The following SNX29 variants were observed in gnomAD, a reference collection of about 807,000 sequenced individuals.
SNX29 encodes sorting nexin-29.
SNX29 carries 78 observed loss-of-function variants against 102.1 expected under a neutral mutation model. The observed-to-expected ratio is 0.76, with a 90% confidence interval of 0.64 to 0.92. SNX29 has a LOEUF of 0.92. Ranked by LOEUF, SNX29 falls within the 40% of genes least tolerant of loss-of-function variation. The pLI is 0.00. For missense variants in SNX29, 1,280 were observed against 1,061.7 expected (o/e 1.21, Z -2.86); for synonymous variants, 580 against 414.5 (o/e 1.40, Z -4.85).
chr16:12,365,566 T>G (rs933249476), intron 16 of SNX29, among the ~76,000 whole-genome samples: 6 of 151,336 alleles, frequency 4.0e-5, no homozygotes, highest in Non-Finnish European at 8.8e-5. Context: ...GGTGCGTGCC[T>G]GTAATCACGG....
At chr16:12,008,731 G>GTTT (rs57686878) in intron 3 of SNX29, among the ~76,000 whole-genome samples, 3 of 139,958 alleles carry the variant, frequency 2.1e-5, no homozygotes, top group African/African-American at 2.6e-5. Flanking sequence ...ATTGTATTTA[G>GTTT]TTTTTTTTTT....
intron 20 of SNX29, among the ~76,000 whole-genome samples, chr16:12,545,223 CAG>C (rs2077535872): frequency 6.6e-6 from 1 of 152,196 alleles, no homozygotes; most frequent in Non-Finnish European, 1.5e-5. Context: ...CAGGCAATGA[CAG>C]GGAAAGGGCC....
chr16:12,370,151 G>A (rs541868902), intron 16 of SNX29, among the ~76,000 whole-genome samples: 1 of 152,300 alleles, frequency 6.6e-6, no homozygotes, highest in South Asian at 2.1e-4. Context: ...AAATCCGGGA[G>A]GTGGAGACTG....
chr16:12,099,398 C>T (rs111714179), intron 11 of SNX29, among the ~76,000 whole-genome samples: 147 of 152,174 alleles, frequency 9.7e-4, no homozygotes, highest in African/African-American at 3.3e-3. Flanking sequence ...TTGTGTAGCT[C>T]GTAGGGGAGT....
At chr16:12,446,764 A>C (rs1194233937) in intron 18 of SNX29, among the ~76,000 whole-genome samples, 3 of 152,222 alleles carry the variant, frequency 2.0e-5, no homozygotes, top group Non-Finnish European at 4.4e-5. Context: ...AATCGGCTCC[A>C]GTATGTACTA....
intron 15 of SNX29, 43 bp downstream of exon 15, chr16:12,278,079 C>A: frequency 6.5e-7 from 1 of 1,533,886 alleles, no homozygotes; most frequent in Non-Finnish European, 8.9e-7. Context: ...CTGATGTTGG[C>A]TGCGTTGGAG....
chr16:12,119,933 A>G (rs576153029), intron 11 of SNX29, among the ~76,000 whole-genome samples: 45 of 152,344 alleles, frequency 3.0e-4, no homozygotes, highest in African/African-American at 1.1e-3. Context: ...TGTGTATGAA[A>G]CAGGCAGTGT....
chr16:12,064,786 C>G (rs1419295231), intron 9 of SNX29, among the ~76,000 whole-genome samples: 2 of 152,210 alleles, frequency 1.3e-5, no homozygotes, highest in Non-Finnish European at 2.9e-5. Context: ...GCCACCGCCA[C>G]CATTTCTCCT....
intron 16 of SNX29, among the ~76,000 whole-genome samples, chr16:12,371,706 C>T (rs553926018): frequency 3.9e-5 from 6 of 152,164 alleles, no homozygotes; most frequent in African/African-American, 9.7e-5. Flanking sequence ...CTGTGGGAAT[C>T]GCCACACTGT....
intron 11 of SNX29, among the ~76,000 whole-genome samples, chr16:12,109,558 C>T (rs191196266): frequency 4.7e-4 from 71 of 152,246 alleles, no homozygotes; most frequent in African/African-American, 1.7e-3. Context: ...TGTCAGTGGC[C>T]TCACTACAGC....
intron 13 of SNX29, among the ~76,000 whole-genome samples, chr16:12,199,053 A>G (rs1255898496): frequency 6.6e-6 from 1 of 152,078 alleles, no homozygotes; most frequent in Non-Finnish European, 1.5e-5. Flanking sequence ...AGTTGGTCCA[A>G]CTGCTTGTCT....
intron 8 of SNX29, among the ~76,000 whole-genome samples, chr16:12,058,500 T>G (rs1475602340): frequency 1.1e-4 from 15 of 138,162 alleles, no homozygotes; most frequent in South Asian, 4.6e-4. Context: ...TTTTGGTTTT[T>G]TTTTTTTTTT....
chr16:12,336,581 A>G (rs1048714784), intron 15 of SNX29, among the ~76,000 whole-genome samples: 1 of 152,184 alleles, frequency 6.6e-6, no homozygotes. Flanking sequence ...ACTTCATTGT[A>G]TATTCTGAAG....
chr16:12,123,081 C>T (rs1224640673), intron 11 of SNX29, among the ~76,000 whole-genome samples: 1 of 152,166 alleles, frequency 6.6e-6, no homozygotes, highest in Non-Finnish European at 1.5e-5. Context: ...CCTGCCTCAG[C>T]CTCCAAAGGG....
intron 15 of SNX29, among the ~76,000 whole-genome samples, chr16:12,348,933 C>T (rs1243596248): frequency 1.3e-5 from 2 of 152,104 alleles, no homozygotes; most frequent in Non-Finnish European, 2.9e-5. Context: ...CTGAGTCTGC[C>T]CACCCCTCCA....
rs950907392 is a variant in SNX29 at position 12,456,919 on chromosome 16, C to T, written c.2038-20800C>T. 3.9e-5 allele frequency among the ~76,000 whole-genome samples: 6 copies of T among 152,108 alleles called. No individual in the cohort carries two copies. The East Asian group carries it at 5.8e-4, about 15-fold the overall frequency. ...CCCGGGGCATTAGCATCTTGTCTGC[C>T]GATGGCCTCCAGAGAGAACACTGTG... On this transcript the variant is annotated intron_variant, in intron 18 of 20. Coordinates refer to ENST00000566228, the MANE Select transcript of SNX29 (RefSeq NM_032167.5).
rs2151117738 is a variant in SNX29 at position 12,027,426 on chromosome 16, G to A, written c.229G>A (p.Ala77Thr). Residue 77 changes from alanine to threonine, a missense_variant, in exon 4 of 21, where the codon GCC (alanine) becomes ACC (threonine). Coordinates refer to ENST00000566228, the MANE Select transcript of SNX29 (RefSeq NM_032167.5). ...AAAIKQAAGF[A>T]SKTETEPVFW... is the part of the protein sequence containing the mutation. The stretch of plus-strand genomic sequence containing the variant: ...AGCGATCAAGCAGGCAGCGGGCTTT[G>A]CCAGCAAAACCGAAACAGGTACTGC... The A allele has an allele frequency of 6.2e-7, 1 of 1,613,974 alleles. No homozygotes were observed. The highest frequency in any genetic ancestry group is 8.5e-7 in the Non-Finnish European group (1 of 1,179,942).
At position 12,170,875 on chromosome 16, in the gene SNX29, G is replaced by A. The variant is rs557013008; in HGVS notation, c.1596-28726G>A. ...GAGTGTCTGTGCGCGCGCGCGTGCTGTTTACAGGGCCTCCGAGACATCCCG... is the reference window on the plus strand; with the variant it reads ...GAGTGTCTGTGCGCGCGCGCGTGCTATTTACAGGGCCTCCGAGACATCCCG... On this transcript the variant is annotated intron_variant, in intron 13 of 20. Transcript: ENST00000566228. Among the ~76,000 whole-genome samples the A allele has an allele frequency of 2.9e-3, 445 of 151,942 alleles. 1 individual carries two copies. Among genetic ancestry groups the A allele is most frequent in the Non-Finnish European group, 5.0e-3 (341 of 67,938 alleles).
At chr16:12,023,375 C>T (rs1192005418) in intron 3 of SNX29, among the ~76,000 whole-genome samples, 1 of 149,382 alleles carries the variant, frequency 6.7e-6, no homozygotes, top group Non-Finnish European at 1.5e-5. Flanking sequence ...CTGGGAACCC[C>T]CCAGCCCTCT....
Sources: allele counts gnomAD v4.1 joint callset (sites outside exome capture counted in the v4.1 genomes callset), GRCh38; gene constraint gnomAD v4.1.1; transcripts MANE v1.5; gene names NCBI Gene and HGNC (gene_info 2026-07-23, HGNC 2026-07-21).